Variants in CPM observed in about 807,000 individuals in gnomAD.
CPM encodes the protein renal carboxypeptidase.
In CPM, 35 loss-of-function variants were observed where a neutral mutation model predicts 46.4. The observed-to-expected ratio is 0.75, with a 90% CI of 0.58 to 1.00. The LOEUF is 1.00. CPM is among the 50% of genes least tolerant of loss of function. CPM has a pLI of 0.00. For missense variants in CPM, 422 were observed against 530.4 expected (o/e 0.80, Z 2.01); for synonymous variants, 195 against 195.3 (o/e 1.00, Z 0.01).
At chr12:68,850,829 T>G (rs1027406533), downstream of CPM, 4 of 152,160 alleles carry the variant, frequency 2.6e-5, no homozygotes, top group African/African-American at 9.7e-5. Context: ...TTTCTGCATT[T>G]CTCAGATTCT....
intron 3 of CPM, among the ~76,000 whole-genome samples, chr12:68,875,951 A>G (rs1885935916): frequency 6.6e-6 from 1 of 152,176 alleles, no homozygotes; most frequent in South Asian, 2.1e-4. Context: ...AACATATGAG[A>G]CATTTTATTT....
chr12:68,893,593 C>A (rs1328620886), intron 2 of CPM, among the ~76,000 whole-genome samples: 1 of 152,184 alleles, frequency 6.6e-6, no homozygotes. Context: ...GCTATTTCTT[C>A]TGCCTAGGTC....
intron 2 of CPM, among the ~76,000 whole-genome samples, chr12:68,887,247 G>A (rs1036688463): frequency 2.6e-5 from 4 of 152,208 alleles, no homozygotes; most frequent in African/African-American, 9.7e-5. Context: ...CGTCATGTAT[G>A]TACAAAGTTT....
chr12:68,842,895 CTTTTA>C (rs1325237023), intron 5 of CPM: 1 of 207,206 alleles, frequency 4.8e-6, no homozygotes, highest in African/African-American at 2.3e-5. Context: ...GTTTTGATCT[CTTTTA>C]ATTGTTCTGA....
intron 1 of CPM, among the ~76,000 whole-genome samples, chr12:68,953,809 A>G (rs1045788525): frequency 6.6e-6 from 1 of 152,256 alleles, no homozygotes; most frequent in Admixed American, 6.5e-5. Flanking sequence ...ATATGATTCC[A>G]GTTGCACTTT....
intron 1 of CPM, among the ~76,000 whole-genome samples, chr12:68,949,656 A>G (rs1036052657): frequency 1.1e-4 from 17 of 152,192 alleles, no homozygotes; most frequent in African/African-American, 4.1e-4. Flanking sequence ...AAATGTTGCT[A>G]TTATCAATGG....
At chr12:68,891,768 G>T (rs1015165584) in intron 2 of CPM, among the ~76,000 whole-genome samples, 5 of 151,918 alleles carry the variant, frequency 3.3e-5, no homozygotes, top group Non-Finnish European at 7.4e-5. Flanking sequence ...TCGCTTTGTT[G>T]TTTTGTCCCC....
intron 2 of CPM, among the ~76,000 whole-genome samples, chr12:68,920,157 C>T (rs1374736051): frequency 2.0e-5 from 3 of 152,172 alleles, no homozygotes; most frequent in African/African-American, 7.2e-5. Flanking sequence ...CCTCCTGATG[C>T]CTCCCTAGAA....
At position 68,909,860 on chromosome 12, in the gene CPM, T is replaced by C. The variant is rs552129722; in HGVS notation, c.160+22818A>G. Among the ~76,000 whole-genome samples the C allele has an allele frequency of 4.0e-3, 604 of 150,584 alleles. 8 individuals carry two copies. Among genetic ancestry groups the C allele is most frequent in the Non-Finnish European group, 5.7e-3 (383 of 67,742 alleles). ...GGGGGTGGGGGGGCTACGGGAGGGA[T>C]AACATTAGGAGAAATACCTAATGTA... is the stretch of plus-strand genomic sequence containing the variant. On this transcript the variant is annotated intron_variant, in intron 2 of 8. Coordinates refer to ENST00000551568, the MANE Select transcript of CPM (RefSeq NM_198320.5).
At chr12:68,859,117 C>T (rs1885102097) in intron 7 of CPM, 46 bp from the exon 8 acceptor site, 7 of 1,081,040 alleles carry the variant, frequency 6.5e-6, no homozygotes, top group Non-Finnish European at 8.6e-6. Context: ...TATTTTATGG[C>T]ATATAAAAAT....
chr12:68,876,571 C>A (rs1885959617), intron 3 of CPM, among the ~76,000 whole-genome samples: 2 of 152,308 alleles, frequency 1.3e-5, no homozygotes, highest in Non-Finnish European at 2.9e-5. Context: ...ACCCAGCATG[C>A]TGGCTTCCTT....
intron 1 of CPM, among the ~76,000 whole-genome samples, chr12:68,942,798 T>C (rs1458976430): frequency 1.3e-5 from 2 of 152,236 alleles, no homozygotes; most frequent in Non-Finnish European, 2.9e-5. Flanking sequence ...TACCACATTC[T>C]GTACTGCACA....
chr12:68,946,857 G>A lies in CPM; in HGVS notation c.-3-14017C>T, dbSNP rs1396328765. Among the ~76,000 whole-genome samples, 3 of 152,210 alleles carry A rather than the reference G, an allele frequency of 2.0e-5. No homozygotes were observed. The South Asian group carries it at 6.2e-4, about 32-fold the overall frequency. On this transcript the variant is annotated intron_variant, in intron 1 of 8. Transcript: ENST00000546373. The stretch of plus-strand genomic sequence containing the variant: ...TGCGCTCCAAAATTTGCTCACTGGA[G>A]TGTATTTTACTCAGTTGTTAAAAGC...
intron 1 of CPM, among the ~76,000 whole-genome samples, chr12:68,959,824 T>C (rs1358107580): frequency 6.6e-6 from 1 of 152,252 alleles, no homozygotes; most frequent in Non-Finnish European, 1.5e-5. Context: ...AGGATGATCA[T>C]GTTTAATAAA....
intron 1 of CPM, among the ~76,000 whole-genome samples, chr12:68,939,960 A>G (rs1476251445): frequency 6.6e-6 from 1 of 152,010 alleles, no homozygotes; most frequent in Non-Finnish European, 1.5e-5. Context: ...TAGTCTATTA[A>G]TAGCTTTTGC....
intron 1 of CPM, among the ~76,000 whole-genome samples, chr12:68,945,417 C>T (rs1039735606): frequency 2.6e-5 from 4 of 152,196 alleles, no homozygotes; most frequent in Non-Finnish European, 5.9e-5. Flanking sequence ...TTTCAGTTCC[C>T]TCCCTTGTGC....
At chr12:68,849,584 A>G (rs550986331), downstream of CPM, 1 of 151,672 alleles carries the variant, frequency 6.6e-6, no homozygotes, top group African/African-American at 2.4e-5. Flanking sequence ...AATTTTTTGT[A>G]TTTTTAGTAG....
chr12:68,942,871 G>T lies in CPM; in HGVS notation c.-3-10031C>A, dbSNP rs1592712954. 2.0e-5 allele frequency among the ~76,000 whole-genome samples: 3 copies of T among 152,236 alleles called. No homozygotes were observed. In the Middle Eastern group the frequency reaches 0.01, roughly 518 times the overall value. ...GTGAAGCAAAATTAAAATGTAATCA[G>T]ATCAAAGTTTGACACTCCAGTATGC... is the stretch of plus-strand genomic sequence containing the variant. On this transcript the variant is annotated intron_variant, in intron 1 of 8. Coordinates refer to the CPM transcript ENST00000546373.
At chr12:68,904,367 T>C (rs1370848677) in intron 2 of CPM, among the ~76,000 whole-genome samples, 2 of 152,234 alleles carry the variant, frequency 1.3e-5, no homozygotes, top group Non-Finnish European at 2.9e-5. Context: ...TCTGTGCCCA[T>C]CATTTGCAGT....
Sources: gnomAD v4.1 joint callset for allele counts (sites outside exome capture counted in the v4.1 genomes callset) on GRCh38, gnomAD v4.1.1 for gene constraint, MANE v1.5 for transcripts, NCBI Gene and HGNC (gene_info 2026-07-23, HGNC 2026-07-21) for gene names.